Variants in NFAM1 observed in about 807,000 individuals in gnomAD.
NFAM1 encodes NFAT activating protein with ITAM motif 1, also known as NFAT activation molecule 1.
NFAM1 carries 17 observed loss-of-function variants against 29.0 expected under a neutral mutation model. The observed-to-expected ratio is 0.59, with a 90% CI of 0.40 to 0.88. The LOEUF is 0.88. Among genes scored for constraint, NFAM1 ranks in the 40% least tolerant of loss-of-function variants. The pLI is 0.00. For synonymous variants in NFAM1, 175 were observed against 147.2 expected (o/e 1.19, Z -1.36); for missense variants, 324 against 344.6 (o/e 0.94, Z 0.47).
chr22:42,391,472 G>C (rs945753914), intron 4 of NFAM1, among the ~76,000 whole-genome samples: 17 of 152,162 alleles, frequency 1.1e-4, no homozygotes, highest in African/African-American at 3.9e-4. Flanking sequence ...TTAGCGCTGG[G>C]GCAGTGAGAA....
At chr22:42,420,165 C>G (rs899231949) in intron 1 of NFAM1, among the ~76,000 whole-genome samples, 1 of 151,886 alleles carries the variant, frequency 6.6e-6, no homozygotes, top group Non-Finnish European at 1.5e-5. Flanking sequence ...CATGCGCCAC[C>G]TCGCCTGGCT....
intron 3 of NFAM1, among the ~76,000 whole-genome samples, chr22:42,403,129 G>A (rs1050483380): frequency 1.3e-5 from 2 of 151,078 alleles, no homozygotes; most frequent in East Asian, 2.0e-4. Context: ...GAGCCACCAC[G>A]CCCGGCCCCC....
At chr22:42,394,664 A>C (rs1929458165) in intron 4 of NFAM1, among the ~76,000 whole-genome samples, 1 of 152,210 alleles carries the variant, frequency 6.6e-6, no homozygotes, top group South Asian at 2.1e-4. Flanking sequence ...GAAAGATAGG[A>C]AATTACTTAA....
intron 5 of NFAM1, among the ~76,000 whole-genome samples, chr22:42,386,427 A>ACACACAC (rs199899888): frequency 9.8e-6 from 1 of 102,160 alleles, no homozygotes; most frequent in African/African-American, 4.4e-5. Flanking sequence ...ACACACACAC[A>ACACACAC]AAACAAAAAC....
chr22:42,433,467 T>C (rs76739559), upstream of NFAM1, among the ~76,000 whole-genome samples: 1 of 152,170 alleles, frequency 6.6e-6, no homozygotes, highest in Non-Finnish European at 1.5e-5. Flanking sequence ...GGGCGGGCAT[T>C]TGAACTGCCA....
At position 42,383,013 on chromosome 22, in the gene NFAM1, A is replaced by T. The variant is rs1185517283; in HGVS notation, c.*2148T>A. The stretch of plus-strand genomic sequence containing the variant: ...AAGTGAGGCAAAAACCATGCAAGGT[A>T]TAGAGCAGGGGAGGCCAAGGCCAGG... On this transcript the variant is annotated 3_prime_UTR_variant, in exon 6 of 6. Transcript: ENST00000329021. The T allele has an allele frequency of 2.0e-5, 3 of 153,130 alleles. No individual in the cohort carries two copies. Among genetic ancestry groups the T allele is most frequent in the African/African-American group, 7.2e-5 (3 of 41,476 alleles). 9.5% of individuals were successfully genotyped at this position (153,130 alleles called of 1,614,324 possible). A position where few individuals can be genotyped will look rare whatever the true frequency, so the allele number is the denominator to read the frequency against.
chr22:42,424,536 C>T (rs918625225), intron 1 of NFAM1, among the ~76,000 whole-genome samples: 16 of 152,218 alleles, frequency 1.1e-4, no homozygotes, highest in African/African-American at 1.2e-4. Context: ...TTCTGCCACC[C>T]GACCTCACAG....
At chr22:42,401,420 T>A (rs1929722838) in intron 3 of NFAM1, among the ~76,000 whole-genome samples, 1 of 151,918 alleles carries the variant, frequency 6.6e-6, no homozygotes, top group Non-Finnish European at 1.5e-5. Flanking sequence ...AGTTGCATTG[T>A]ATAAACCTCC....
At chr22:42,404,426 CA>C (rs1187637457) in intron 3 of NFAM1, among the ~76,000 whole-genome samples, 2 of 152,136 alleles carry the variant, frequency 1.3e-5, no homozygotes, top group Admixed American at 6.6e-5. Flanking sequence ...CCGCTGCCAT[CA>C]GGGGCATCCA....
chr22:42,386,284 GA>G lies in NFAM1; in HGVS notation c.753+704del, dbSNP rs1044484579. ...AGCTACTCGGGAGGCTGAGGCAGGA[GA>G]ATTGCTTGAACCTGAGAAGTGGAGG... is the stretch of plus-strand genomic sequence containing the variant. On this transcript the variant is annotated intron_variant, in intron 5 of 5. Coordinates refer to ENST00000329021, the MANE Select transcript of NFAM1 (RefSeq NM_145912.8). Among the ~76,000 whole-genome samples the G allele has an allele frequency of 3.7e-4, 57 of 152,100 alleles. 2 individuals are homozygous for G. Among genetic ancestry groups the G allele is most frequent in the African/African-American group, 1.4e-3 (56 of 41,462 alleles).
At chr22:42,420,002 T>TTTG (rs1930388135) in intron 1 of NFAM1, among the ~76,000 whole-genome samples, 1 of 130,918 alleles carries the variant, frequency 7.6e-6, no homozygotes, top group African/African-American at 2.9e-5. Flanking sequence ...TTTTTTTTTT[T>TTTG]TTTTTTTTTT....
chr22:42,412,876 A>T (rs998193007), intron 1 of NFAM1, among the ~76,000 whole-genome samples: 1 of 152,184 alleles, frequency 6.6e-6, no homozygotes, highest in Non-Finnish European at 1.5e-5. Context: ...GATGTCAATG[A>T]CCATGACAAA....
intron 4 of NFAM1, among the ~76,000 whole-genome samples, chr22:42,392,379 A>G (rs1601735996): frequency 6.6e-6 from 1 of 152,124 alleles, no homozygotes; most frequent in Non-Finnish European, 1.5e-5. Flanking sequence ...AGAACTGCCC[A>G]TTGGTTTAAC....
intron 4 of NFAM1, among the ~76,000 whole-genome samples, chr22:42,391,400 C>A (rs1371130733): frequency 6.6e-6 from 1 of 152,078 alleles, no homozygotes; most frequent in Non-Finnish European, 1.5e-5. Flanking sequence ...TAAAAATAGA[C>A]CAGCTGCTTA....
intron 1 of NFAM1, among the ~76,000 whole-genome samples, chr22:42,412,731 GA>G (rs1412584265): frequency 6.6e-6 from 1 of 152,242 alleles, no homozygotes; most frequent in Non-Finnish European, 1.5e-5. Flanking sequence ...GGCAGCGGGA[GA>G]CACAAACCTC....
intron 3 of NFAM1, among the ~76,000 whole-genome samples, chr22:42,402,752 G>A (rs1211221742): frequency 1.3e-5 from 2 of 151,988 alleles, no homozygotes; most frequent in Non-Finnish European, 2.9e-5. Context: ...AGGAATCATG[G>A]CGATTGCTGC....
chr22:42,422,451 C>CA (rs1930476903), intron 1 of NFAM1, among the ~76,000 whole-genome samples: 1 of 151,922 alleles, frequency 6.6e-6, no homozygotes, highest in Non-Finnish European at 1.5e-5. Context: ...ACTAAAAATA[C>CA]AAAATTTAGC....
intron 1 of NFAM1, among the ~76,000 whole-genome samples, chr22:42,425,661 C>T (rs1230888399): frequency 6.6e-6 from 1 of 152,234 alleles, no homozygotes; most frequent in Non-Finnish European, 1.5e-5. Flanking sequence ...CCTGAGGCTT[C>T]TGGCCTTGAC....
chr22:42,424,200 C>T (rs545389784), intron 1 of NFAM1, among the ~76,000 whole-genome samples: 3 of 152,060 alleles, frequency 2.0e-5, no homozygotes, highest in Non-Finnish European at 1.5e-5. Flanking sequence ...CGGATCACAA[C>T]GTCAGGAGAT....
Sources: gnomAD v4.1 joint callset for allele counts (sites outside exome capture counted in the v4.1 genomes callset) on GRCh38, gnomAD v4.1.1 for gene constraint, MANE v1.5 for transcripts, NCBI Gene and HGNC (gene_info 2026-07-23, HGNC 2026-07-21) for gene names.